Variants in KIFC1 observed in about 807,000 individuals in gnomAD.
KIFC1 encodes kinesin family member C1.
Under a neutral mutation model 66.6 loss-of-function variants are expected in KIFC1, and 37 were observed. That is an observed-to-expected ratio of 0.56 (90% CI 0.43 to 0.73). KIFC1 has a LOEUF of 0.73. KIFC1 is among the 30% of genes least tolerant of loss of function. KIFC1 has a pLI of 0.00. For missense variants in KIFC1, 721 were observed against 859.8 expected (o/e 0.84, Z 2.02); for synonymous variants, 325 against 343.5 (o/e 0.95, Z 0.60).
chr6:33,400,383 A>C lies in KIFC1; in HGVS notation c.250+1996A>C, dbSNP rs751670931. 5.0e-6 allele frequency: 8 copies of C among 1,598,386 alleles called. No individual in the cohort carries two copies. The highest frequency in any genetic ancestry group is 6.8e-6 in the Non-Finnish European group (8 of 1,174,274). The stretch of plus-strand genomic sequence containing the variant: ...TGTTCTCAATGGTCAGTTTCACTGT[A>C]ATCCTCAGGCCCTTCCAGTCACCCG... On this transcript the variant is annotated intron_variant, in intron 3 of 10. Coordinates refer to ENST00000428849, the MANE Select transcript of KIFC1 (RefSeq NM_002263.4). This position sits in a 1 kb window ranked among gnomAD's most constrained non-coding sequence, Gnocchi z 4.3.
Position 33,406,863 on chromosome 6 carries a change from C to T in KIFC1, c.1965C>T (p.Arg655=). ...ENVSESLNSL[R]FASKVNQCVI... is the part of the protein sequence containing the mutation. Reference sequence around the variant, plus strand: ...TCTCCGAGTCCCTCAACTCTCTACGCTTTGCCTCCAAGGTGCGATTACCAC... The same window carrying T: ...TCTCCGAGTCCCTCAACTCTCTACGTTTTGCCTCCAAGGTGCGATTACCAC... Residue 655 remains arginine (R), a synonymous_variant, in exon 10 of 11, where the codon CGC becomes CGT. Transcript: ENST00000428849. The surrounding 1 kb of genome is among the most constrained non-coding windows in gnomAD (Gnocchi z 4.5). The T allele has an allele frequency of 1.2e-6, 2 of 1,614,150 alleles. No individual in the cohort carries two copies. Among genetic ancestry groups the T allele is most frequent in the Non-Finnish European group, 1.7e-6 (2 of 1,180,032 alleles).
Position 33,405,080 on chromosome 6 carries a change from C to G in KIFC1, c.985C>G (p.Pro329Ala), listed in dbSNP as rs759464097. Residue 329 changes from proline to alanine, a missense_variant, in exon 7 of 11, where the codon CCT (proline) becomes GCT (alanine). Pro to Ala is a conservative substitution (Grantham distance 27). Transcript: ENST00000428849. This position sits in a 1 kb window ranked among gnomAD's most constrained non-coding sequence, Gnocchi z 5.4. ...CCTGCCGGGGGAGCCCACTCCACCC[C>G]CTGGCCTCCTCCTGTTTCCCTCTGG... ...PVLPGEPTPP[P>A]GLLLFPSGPG... The G allele has an allele frequency of 5.0e-6, 8 of 1,614,140 alleles. No individual in the cohort carries two copies. Among genetic ancestry groups the G allele is most frequent in the East Asian group, 2.2e-5 (1 of 44,874 alleles).
chr6:33,392,208 C>T (rs1774823081), intron 1 of KIFC1, among the ~76,000 whole-genome samples: 1 of 152,198 alleles, frequency 6.6e-6, no homozygotes, highest in South Asian at 2.1e-4. Context: ...GTCTGTCTGC[C>T]CTCCCCTAGC....
At chr6:33,402,191 A>G (rs1037886392) in intron 3 of KIFC1, among the ~76,000 whole-genome samples, 1 of 152,216 alleles carries the variant, frequency 6.6e-6, no homozygotes, top group Non-Finnish European at 1.5e-5. Flanking sequence ...CTTTTATACA[A>G]CTGGCAGTGC....
chr6:33,406,949 C>T lies in KIFC1; in HGVS notation c.1977+74C>T, dbSNP rs1365419143. ...GCTTCTCCATTCCAATCCCTTTTGTCTTCTAGGGCAGGGAGCACATTTGTG... is the reference window on the plus strand; with the variant it reads ...GCTTCTCCATTCCAATCCCTTTTGTTTTCTAGGGCAGGGAGCACATTTGTG... On this transcript the variant is annotated intron_variant, in intron 10 of 10. Transcript: ENST00000428849. The surrounding 1 kb of genome is among the most constrained non-coding windows in gnomAD (Gnocchi z 4.5). 3.8e-6 allele frequency: 6 copies of T among 1,597,388 alleles called. No individual in the cohort carries two copies. The African/African-American group carries it at 5.4e-5, about 14-fold the overall frequency.
In KIFC1 at chr6:33,405,266, A is replaced by T; in HGVS notation, c.1171A>T (p.Ile391Phe). The T allele has an allele frequency of 6.2e-7, 1 of 1,614,140 alleles. No homozygotes were observed. The highest frequency in any genetic ancestry group is 8.5e-7 in the Non-Finnish European group (1 of 1,180,024). ...TGGACAGGATGAAGTGTTTGAAGAG[A>T]TTGCCATGCTTGTCCAGTCAGCCCT... is the stretch of plus-strand genomic sequence containing the variant. ...GSGQDEVFEE[I>F]AMLVQSALDG... Residue 391 changes from isoleucine (I) to phenylalanine (F), a missense_variant, in exon 7 of 11, where the codon ATT becomes TTT. Transcript: ENST00000428849. This position sits in a 1 kb window ranked among gnomAD's most constrained non-coding sequence, Gnocchi z 5.4.
Position 33,406,010 on chromosome 6 carries a change from CCCG to C in KIFC1, c.1537-183_1537-181del, listed in dbSNP as rs1358059704. On this transcript the variant is annotated intron_variant, in intron 7 of 10. Coordinates refer to ENST00000428849, the MANE Select transcript of KIFC1 (RefSeq NM_002263.4). This position sits in a 1 kb window ranked among gnomAD's most constrained non-coding sequence, Gnocchi z 4.5. ...TCCTGTCAAAACTTGTGTTCCCCAC[CCCG>C]CCTTTATACACTCCCTATTCTATGT... Among the ~76,000 whole-genome samples, 1 of 152,142 alleles carries C rather than the reference CCCG, an allele frequency of 6.6e-6. No homozygotes were observed. Among genetic ancestry groups the C allele is most frequent in the African/African-American group, 2.4e-5 (1 of 41,416 alleles).
chr6:33,406,145 C>A lies in KIFC1; in HGVS notation c.1537-51C>A. On this transcript the variant is annotated intron_variant, in intron 7 of 10. Transcript: ENST00000428849. The surrounding 1 kb of genome is among the most constrained non-coding windows in gnomAD (Gnocchi z 4.5). ...CTCTTATTCATTTCCATACATATTA[C>A]TATGTACTGACTTCTGCCTGCCTTT... 1 of 1,503,650 alleles carries A rather than the reference C, an allele frequency of 6.7e-7. No homozygotes were observed. The highest frequency in any genetic ancestry group is 9.1e-7 in the Non-Finnish European group (1 of 1,103,828). 93.1% of individuals were successfully genotyped at this position (1,503,650 alleles called of 1,614,324 possible).
At chr6:33,394,129 C>T (rs1194655013) in intron 1 of KIFC1, among the ~76,000 whole-genome samples, 1 of 152,060 alleles carries the variant, frequency 6.6e-6, no homozygotes, top group Non-Finnish European at 1.5e-5. Context: ...AGGCATCTGA[C>T]AGTGTACAGG....
rs573512240 is a variant in KIFC1 at position 33,401,873 on chromosome 6, G to T, written c.251-1441G>T. 1.1e-4 allele frequency among the ~76,000 whole-genome samples: 16 copies of T among 151,902 alleles called. No individual in the cohort carries two copies. The South Asian group carries it at 3.3e-3, about 32-fold the overall frequency. On this transcript the variant is annotated intron_variant, in intron 3 of 10. Coordinates refer to ENST00000428849, the MANE Select transcript of KIFC1 (RefSeq NM_002263.4). This position sits in a 1 kb window ranked among gnomAD's most constrained non-coding sequence, Gnocchi z 4.5. ...CCCGCCACCACGCCTGGTTAATTTTGTTTTTGTATTTTTAGGAGAGACGGG... is the reference window on the plus strand; with the variant it reads ...CCCGCCACCACGCCTGGTTAATTTTTTTTTTGTATTTTTAGGAGAGACGGG...
In KIFC1 at chr6:33,406,452, C is replaced by T. The variant is rs1283356105; in HGVS notation, c.1793C>T (p.Thr598Met). 21 of 1,599,148 alleles carry T rather than the reference C, an allele frequency of 1.3e-5. No homozygotes were observed. The highest frequency in any genetic ancestry group is 1.7e-4 in the Middle Eastern group (1 of 5,974). ...CAGGCCATTAACAGCAGCCTGTCCA[C>T]GCTGGGGCTGGTTATCATGGCCCTG... ...ETQAINSSLS[T>M]LGLVIMALSN... is the part of the protein sequence containing the mutation. Residue 598 changes from threonine to methionine, a missense_variant, in exon 8 of 11, where the codon ACG becomes ATG. Thr to Met is a moderately conservative substitution (Grantham distance 81). Transcript: ENST00000428849. This position sits in a 1 kb window ranked among gnomAD's most constrained non-coding sequence, Gnocchi z 4.5.
chr6:33,406,574 CCCA>C lies in KIFC1; in HGVS notation c.1828-15_1828-13del. ...CCCTGCCTATTCCTAAACATCTGTC[CCCA>C]CCTCAATCATCTAGGAGTCCCACGT... On this transcript the variant is annotated splice_polypyrimidine_tract_variant and intron_variant, in intron 8 of 10. Coordinates refer to ENST00000428849, the MANE Select transcript of KIFC1 (RefSeq NM_002263.4). This position sits in a 1 kb window ranked among gnomAD's most constrained non-coding sequence, Gnocchi z 4.5. The C allele has an allele frequency of 6.2e-7, 1 of 1,613,946 alleles. No individual in the cohort carries two copies. Among genetic ancestry groups the C allele is most frequent in the Non-Finnish European group, 8.5e-7 (1 of 1,179,908 alleles).
chr6:33,405,218 G>A lies in KIFC1; in HGVS notation c.1123G>A (p.Asp375Asn). 1 of 1,614,154 alleles carries A rather than the reference G, an allele frequency of 6.2e-7. No individual in the cohort carries two copies. Among genetic ancestry groups the A allele is most frequent in the Non-Finnish European group, 8.5e-7 (1 of 1,180,028 alleles). Residue 375 changes from aspartate (D) to asparagine (N), a missense_variant, in exon 7 of 11, where the codon GAC (aspartate) becomes AAC (asparagine). Transcript: ENST00000428849. This position sits in a 1 kb window ranked among gnomAD's most constrained non-coding sequence, Gnocchi z 5.4. ...CCCAACTCGCCATGATTTTTCCTTT[G>A]ACCGGGTATTCCCACCAGGAAGTGG... ...APPTRHDFSF[D>N]RVFPPGSGQD...
In KIFC1 at chr6:33,405,557, C is replaced by A; in HGVS notation, c.1462C>A (p.Arg488Ser). 1 of 1,596,500 alleles carries A rather than the reference C, an allele frequency of 6.3e-7. No individual in the cohort carries two copies. The highest frequency in any genetic ancestry group is 8.5e-7 in the Non-Finnish European group (1 of 1,172,312). Residue 488 changes from arginine (R) to serine (S), a missense_variant, in exon 7 of 11, where the codon CGC becomes AGC. Arg to Ser is a moderately radical substitution (Grantham distance 110). Coordinates refer to ENST00000428849, the MANE Select transcript of KIFC1 (RefSeq NM_002263.4). This position sits in a 1 kb window ranked among gnomAD's most constrained non-coding sequence, Gnocchi z 5.4. The stretch of plus-strand genomic sequence containing the variant: ...GGGTCAAGGGGGCGAGTGTGAGATT[C>A]GCCGTGCAGGGCCAGGGAGTGAGGA... Reference protein sequence around the residue: ...RKGQGGECEIRRAGPGSEELT... With the variant: ...RKGQGGECEISRAGPGSEELT...
At position 33,406,856 on chromosome 6, in the gene KIFC1, C is replaced by T. The variant is rs1291787366; in HGVS notation, c.1958C>T (p.Ser653Phe). The T allele has an allele frequency of 2.5e-6, 4 of 1,614,158 alleles. No individual in the cohort carries two copies. The change falls in exon 10 of 11, where the codon TCT becomes TTT. Residue 653 changes from serine to phenylalanine, a missense_variant. Physicochemically the swap from Ser to Phe is radical, Grantham distance 155. Transcript: ENST00000428849. The surrounding 1 kb of genome is among the most constrained non-coding windows in gnomAD (Gnocchi z 4.5). ...GAGAACGTCTCCGAGTCCCTCAACTCTCTACGCTTTGCCTCCAAGGTGCGA... is the reference window on the plus strand; with the variant it reads ...GAGAACGTCTCCGAGTCCCTCAACTTTCTACGCTTTGCCTCCAAGGTGCGA... ...LEENVSESLN[S>F]LRFASKVNQC... is the part of the protein sequence containing the mutation.
At chr6:33,409,180 A>AAC (rs1775791202) in intron 10 of KIFC1, among the ~76,000 whole-genome samples, 4 of 152,220 alleles carry the variant, frequency 2.6e-5, no homozygotes, top group Admixed American at 6.5e-5. Context: ...ACAACAACAA[A>AAC]AAAAAGAGCC....
rs534783081 is a variant in KIFC1 at position 33,409,142 on chromosome 6, G to A, written c.1978-504G>A. The stretch of plus-strand genomic sequence containing the variant: ...GATCGCGCCACTGCACTCCAGCCTG[G>A]GCGACAGAGCAAGACTCCGTCTCAA... On this transcript the variant is annotated intron_variant, in intron 10 of 10. Coordinates refer to ENST00000428849, the MANE Select transcript of KIFC1 (RefSeq NM_002263.4). Among the ~76,000 whole-genome samples, 52 of 152,298 alleles carry A rather than the reference G, an allele frequency of 3.4e-4. No homozygotes were observed. The South Asian group carries it at 6.6e-3, about 19-fold the overall frequency.
In KIFC1 at chr6:33,409,665, G is replaced by A; in HGVS notation, c.1997G>A (p.Gly666Asp). The A allele has an allele frequency of 6.2e-7, 1 of 1,605,116 alleles. No individual in the cohort carries two copies. Among genetic ancestry groups the A allele is most frequent in the Non-Finnish European group, 8.5e-7 (1 of 1,176,196 alleles). The change falls in exon 11 of 11, where the codon GGT (glycine) becomes GAT (aspartate). Residue 666 changes from glycine (G) to aspartate (D), a missense_variant. Gly to Asp is a moderately conservative substitution (Grantham distance 94). Transcript: ENST00000428849. ...CCCCAGGTGAACCAGTGTGTTATTG[G>A]TACTGCTCAGGCCAACAGGAAGTGA... ...FASKVNQCVI[G>D]TAQANRK
Position 33,405,131 on chromosome 6 carries a change from A to T in KIFC1, c.1036A>T (p.Thr346Ser). Residue 346 changes from threonine to serine, a missense_variant, in exon 7 of 11, where the codon ACC (threonine) becomes TCC (serine). Thr to Ser is a moderately conservative substitution (Grantham distance 58). Transcript: ENST00000428849. This position sits in a 1 kb window ranked among gnomAD's most constrained non-coding sequence, Gnocchi z 5.4. ...SGPGGPSDPP[T>S]RLSLSRSDER... ...CCCTGGTGGGCCCTCTGATCCTCCA[A>T]CCCGCCTTAGCCTCTCCCGGTCTGA... 1.2e-6 allele frequency: 2 copies of T among 1,613,694 alleles called. No individual in the cohort carries two copies.
Sources: gnomAD v4.1 joint callset for allele counts (sites outside exome capture counted in the v4.1 genomes callset) on GRCh38, gnomAD v4.1.1 for gene constraint, Gnocchi (gnomAD v3.1) non-coding constraint, MANE v1.5 for transcripts, NCBI Gene and HGNC (gene_info 2026-07-23, HGNC 2026-07-21) for gene names.